Variants in TNFRSF8 observed in about 807,000 individuals in gnomAD.
TNFRSF8 encodes tumor necrosis factor receptor superfamily member 8.
Under a neutral mutation model 70.8 loss-of-function variants are expected in TNFRSF8, and 26 were observed. The ratio of observed to expected loss-of-function variants is 0.37; its 90% CI spans 0.27 to 0.51. TNFRSF8 has a LOEUF of 0.51. TNFRSF8 is among the 20% of genes least tolerant of loss of function. The pLI is 0.94. For synonymous variants in TNFRSF8, 356 were observed against 339.2 expected, an observed-to-expected ratio of 1.05 and a Z score of -0.54; for missense variants, 720 against 807.9, an observed-to-expected ratio of 0.89 and a Z score of 1.32.
intron 1 of TNFRSF8, among the ~76,000 whole-genome samples, chr1:12,081,819 A>G (rs11582661): frequency 0.65 from 98,110 of 151,966 alleles, 33,353 homozygotes; most frequent in African/African-American, 0.85. Flanking sequence ...TCTCCTGGGG[A>G]AAAGTGGCTT....
At position 12,142,570 on chromosome 1, in the gene TNFRSF8, G is replaced by A; in HGVS notation, c.*39G>A. 1 of 1,544,484 alleles carries A rather than the reference G, an allele frequency of 6.5e-7. No homozygotes were observed. Among genetic ancestry groups the A allele is most frequent in the Non-Finnish European group, 8.7e-7 (1 of 1,142,866 alleles). ...CTGGGGCTAGGAGGGCAGCAGGGTG[G>A]CCTCTGGGAGGCCAGGATGGCACTG... On this transcript the variant is annotated 3_prime_UTR_variant, in exon 15 of 15. Transcript: ENST00000263932. The surrounding 1 kb of genome is among the most constrained non-coding windows in gnomAD (Gnocchi z 5.0).
intron 2 of TNFRSF8, among the ~76,000 whole-genome samples, chr1:12,096,334 C>T (rs1641329245): frequency 2.0e-5 from 3 of 151,570 alleles, no homozygotes; most frequent in African/African-American, 7.3e-5. Flanking sequence ...TTCGGCTTCC[C>T]TGGGCCACAT....
At chr1:12,137,540 GTTTTTTTGTT>G (rs773062441) in intron 13 of TNFRSF8, among the ~76,000 whole-genome samples, 2,085 of 131,238 alleles carry the variant, frequency 0.016, 47 homozygotes, top group African/African-American at 0.054. Context: ...TGACATAGCT[GTTTTTTTGTT>G]TTTTTTTGTT....
At position 12,108,205 on chromosome 1, in the gene TNFRSF8, A is replaced by T. The variant is rs923818747; in HGVS notation, c.422-1361A>T. 2.0e-5 allele frequency among the ~76,000 whole-genome samples: 3 copies of T among 151,528 alleles called. No individual in the cohort carries two copies. The highest frequency in any genetic ancestry group is 4.4e-5 in the Non-Finnish European group (3 of 67,922). ...GTGATTCTCCTGCCTCAGCCTCCTG[A>T]GTAGCTGGGATTACAGGTACCTGCC... On this transcript the variant is annotated intron_variant, in intron 4 of 14. Coordinates refer to ENST00000263932, the MANE Select transcript of TNFRSF8 (RefSeq NM_001243.5). This position sits in a 1 kb window ranked among gnomAD's most constrained non-coding sequence, Gnocchi z 4.0.
rs917486722 is a variant in TNFRSF8 at position 12,088,988 on chromosome 1, C to G, written c.151+4437C>G. 6.6e-6 allele frequency among the ~76,000 whole-genome samples: 1 copy of G among 152,178 alleles called. No individual in the cohort carries two copies. Among genetic ancestry groups the G allele is most frequent in the African/African-American group, 2.4e-5 (1 of 41,434 alleles). On this transcript the variant is annotated intron_variant, in intron 2 of 14. Coordinates refer to ENST00000263932, the MANE Select transcript of TNFRSF8 (RefSeq NM_001243.5). This position sits in a 1 kb window ranked among gnomAD's most constrained non-coding sequence, Gnocchi z 4.0. ...AGAGCCCCCTCACAGCACCTCCTGGCCCCCCACTGTCCCTGTGTGCTTGAC... is the reference window on the plus strand; with the variant it reads ...AGAGCCCCCTCACAGCACCTCCTGGGCCCCCACTGTCCCTGTGTGCTTGAC...
At chr1:12,118,221 G>A (rs140420157) in intron 8 of TNFRSF8, among the ~76,000 whole-genome samples, 15,696 of 146,392 alleles carry the variant, frequency 0.11, 1,050 homozygotes, top group African/African-American at 0.2. Context: ...AGCTATTCTT[G>A]TGCCTCAGCC....
chr1:12,101,005 G>A (rs1304418686), intron 3 of TNFRSF8, among the ~76,000 whole-genome samples: 4 of 151,850 alleles, frequency 2.6e-5, no homozygotes, highest in South Asian at 2.1e-4. Context: ...CTTCAGGAGC[G>A]GTAAGGTAAC....
Position 12,116,427 on chromosome 1 carries a change from T to A in TNFRSF8, c.946+698T>A, listed in dbSNP as rs979326639. ...AACCCTGACAGTTTTTTGTTGTTGT[T>A]GTTTTTTGTTTTTTAAGGGCTTTGA... On this transcript the variant is annotated intron_variant, in intron 8 of 14. Coordinates refer to ENST00000263932, the MANE Select transcript of TNFRSF8 (RefSeq NM_001243.5). Among the ~76,000 whole-genome samples the A allele has an allele frequency of 2.0e-5, 3 of 152,252 alleles. 1 individual carries two copies. The South Asian group carries it at 6.2e-4, about 31-fold the overall frequency.
At chr1:12,072,586 G>A (rs1311872283) in intron 1 of TNFRSF8, among the ~76,000 whole-genome samples, 1 of 152,106 alleles carries the variant, frequency 6.6e-6, no homozygotes, top group African/African-American at 2.4e-5. Flanking sequence ...GTTGGGGCGA[G>A]CCTGGGGCCT....
chr1:12,138,261 C>T lies in TNFRSF8; in HGVS notation c.1368C>T (p.Pro456=), dbSNP rs747881622. 2.6e-5 allele frequency: 42 copies of T among 1,613,410 alleles called. No homozygotes were observed. Among genetic ancestry groups the T allele is most frequent in the African/African-American group, 1.9e-4 (14 of 74,898 alleles). The change falls in exon 14 of 15, where the codon CCC becomes CCT. Residue 456 remains proline, a synonymous_variant. Coordinates refer to ENST00000263932, the MANE Select transcript of TNFRSF8 (RefSeq NM_001243.5). This position sits in a 1 kb window ranked among gnomAD's most constrained non-coding sequence, Gnocchi z 5.7. ...GGAGTGGTGCGTCGGTGACAGAACC[C>T]GTCGCGGAAGAGCGAGGGTTAATGA... ...QLRSGASVTE[P]VAEERGLMSQ...
rs1280530889 is a variant in TNFRSF8 at position 12,063,417 on chromosome 1, C to T, written c.-182C>T. 2.3e-6 allele frequency: 1 copy of T among 433,878 alleles called. No homozygotes were observed. Among genetic ancestry groups the T allele is most frequent in the Non-Finnish European group, 3.9e-6 (1 of 258,274 alleles). 26.9% of individuals were successfully genotyped at this position (433,878 alleles called of 1,614,324 possible). A position where few individuals can be genotyped will look rare whatever the true frequency, so the allele number is the denominator to read the frequency against. ...GGCTGAAACCTCGGAGGAACAACCA[C>T]TTTTGAAGTGACTTCGCGGCGTGCG... On this transcript the variant is annotated 5_prime_UTR_variant, in exon 1 of 15. Coordinates refer to ENST00000263932, the MANE Select transcript of TNFRSF8 (RefSeq NM_001243.5). The surrounding 1 kb of genome is among the most constrained non-coding windows in gnomAD (Gnocchi z 7.2).
Position 12,088,843 on chromosome 1 carries a change from G to A in TNFRSF8, c.151+4292G>A, listed in dbSNP as rs899653123. 6.6e-6 allele frequency among the ~76,000 whole-genome samples: 1 copy of A among 152,232 alleles called. No homozygotes were observed. Among genetic ancestry groups the A allele is most frequent in the Non-Finnish European group, 1.5e-5 (1 of 68,044 alleles). On this transcript the variant is annotated intron_variant, in intron 2 of 14. Coordinates refer to ENST00000263932, the MANE Select transcript of TNFRSF8 (RefSeq NM_001243.5). This position sits in a 1 kb window ranked among gnomAD's most constrained non-coding sequence, Gnocchi z 4.0. ...AAAGCTCAGCTTTGTGCATGGGCAC[G>A]CCCATTTGGCATGACAGCTGCTGCC...
rs1194968753 is a variant in TNFRSF8, at chr1:12,109,096, A to G, written c.422-470A>G. Among the ~76,000 whole-genome samples, 1 of 152,172 alleles carries G rather than the reference A, an allele frequency of 6.6e-6. No homozygotes were observed. The highest frequency in any genetic ancestry group is 1.5e-5 in the Non-Finnish European group (1 of 68,038). Reference sequence around the variant, plus strand: ...CCTCTATTTCCCTCTCTGTTGGTTCATCGGCAAGATACTTACAAGCAGCTC... The same window carrying G: ...CCTCTATTTCCCTCTCTGTTGGTTCGTCGGCAAGATACTTACAAGCAGCTC... On this transcript the variant is annotated intron_variant, in intron 4 of 14. Coordinates refer to ENST00000263932, the MANE Select transcript of TNFRSF8 (RefSeq NM_001243.5). This position sits in a 1 kb window ranked among gnomAD's most constrained non-coding sequence, Gnocchi z 4.4.
intron 12 of TNFRSF8, 115 bp downstream of exon 12, chr1:12,126,351 T>C (rs918225577): frequency 8.1e-7 from 1 of 1,237,476 alleles, no homozygotes; most frequent in Admixed American, 1.8e-5. Context: ...AAGCTCCCTG[T>C]CTGTGGCTCC....
In TNFRSF8 at chr1:12,097,168, C is replaced by T; in HGVS notation, c.219C>T (p.Tyr73=). Residue 73 remains tyrosine, a synonymous_variant, in exon 3 of 15, where the codon TAC becomes TAT. Transcript: ENST00000263932. ...TDCRKQCEPD[Y]YLDEADRCTA... ...GCAGGAAGCAGTGTGAGCCTGACTA[C>T]TACCTGGATGAGGCCGACCGCTGTA... 1.2e-6 allele frequency: 2 copies of T among 1,614,142 alleles called. No homozygotes were observed. Among genetic ancestry groups the T allele is most frequent in the Non-Finnish European group, 1.7e-6 (2 of 1,179,982 alleles).
chr1:12,141,311 C>T lies in TNFRSF8; in HGVS notation c.1544-976C>T, dbSNP rs1178837639. 2.0e-5 allele frequency among the ~76,000 whole-genome samples: 3 copies of T among 152,146 alleles called. No individual in the cohort carries two copies. The highest frequency in any genetic ancestry group is 4.4e-5 in the Non-Finnish European group (3 of 68,014). ...GCAGAACAGCTGGGAGCCAGCCCAC[C>T]CTGAGCCAGACACCATCAGCTGGGC... On this transcript the variant is annotated intron_variant, in intron 14 of 14. Transcript: ENST00000263932. This position sits in a 1 kb window ranked among gnomAD's most constrained non-coding sequence, Gnocchi z 5.4.
intron 12 of TNFRSF8, among the ~76,000 whole-genome samples, chr1:12,133,507 C>T (rs1017003379): frequency 4.0e-5 from 6 of 151,714 alleles, no homozygotes; most frequent in African/African-American, 7.3e-5. Flanking sequence ...TTTGGGAGGC[C>T]GAGGCGGGTG....
intron 3 of TNFRSF8, among the ~76,000 whole-genome samples, chr1:12,098,585 A>T (rs1264303825): frequency 1.3e-5 from 2 of 152,178 alleles, no homozygotes; most frequent in African/African-American, 4.8e-5. Context: ...ATTTTAGTCA[A>T]AAGTATCAGA....
chr1:12,115,915 GT>G (rs1641720878), intron 8 of TNFRSF8, among the ~76,000 whole-genome samples, 186 bp downstream of exon 8: 2 of 152,194 alleles, frequency 1.3e-5, no homozygotes, highest in South Asian at 4.1e-4. Flanking sequence ...ATAAAATCCA[GT>G]TTTAGCATTT....
Sources: allele counts gnomAD v4.1 joint callset (sites outside exome capture counted in the v4.1 genomes callset), GRCh38; gene constraint gnomAD v4.1.1; non-coding constraint Gnocchi (gnomAD v3.1); transcripts MANE v1.5; gene names NCBI Gene and HGNC (gene_info 2026-07-23, HGNC 2026-07-21).